Variants in RPRD2 observed in about 807,000 individuals in gnomAD.
RPRD2 encodes the protein regulation of nuclear pre-mRNA domain containing 2.
Under a neutral mutation model 104.4 loss-of-function variants are expected in RPRD2, and 12 were observed. The observed-to-expected ratio is 0.11, with a 90% CI of 0.07 to 0.19. The LOEUF (loss-of-function observed/expected upper bound fraction) is 0.19, where lower values mean the gene tolerates loss of function less well. Among genes scored for constraint, RPRD2 ranks in the 10% least tolerant of loss-of-function variants. The pLI, the probability that RPRD2 is intolerant of heterozygous loss-of-function variation, is 1.00. For synonymous variants in RPRD2, 714 were observed against 684.9 expected, an observed-to-expected ratio of 1.04 and a Z score of -0.66; for missense variants, 1,543 against 1,790.1, an observed-to-expected ratio of 0.86 and a Z score of 2.49.
chr1:150,378,104 T>A (rs1337277385), intron 1 of RPRD2, among the ~76,000 whole-genome samples: 5 of 152,182 alleles, frequency 3.3e-5, no homozygotes, highest in African/African-American at 1.2e-4. Context: ...TTGTTATTAC[T>A]TAATAATCTT....
chr1:150,444,309 T>C lies in RPRD2; in HGVS notation c.626T>C (p.Leu209Pro). Reference protein sequence around the residue: ...LYKRSEDQIELKEKQLSTMRV... With the variant: ...LYKRSEDQIEPKEKQLSTMRV... ...AAGCGCTCAGAAGATCAGATAGAACTGAAGGAAAAGCAGTTGTCAACTATG... is the reference window on the plus strand; with the variant it reads ...AAGCGCTCAGAAGATCAGATAGAACCGAAGGAAAAGCAGTTGTCAACTATG... The change falls in exon 6 of 11, where the codon CTG (leucine) becomes CCG (proline). Residue 209 changes from leucine to proline, a missense_variant. By Grantham distance (98) the Leu-to-Pro change is moderately conservative (BLOSUM62 -3). Coordinates refer to ENST00000369068, the MANE Select transcript of RPRD2 (RefSeq NM_015203.5). 6.2e-7 allele frequency: 1 copy of C among 1,613,892 alleles called. No individual in the cohort carries two copies. The highest frequency in any genetic ancestry group is 8.5e-7 in the Non-Finnish European group (1 of 1,179,814).
At chr1:150,437,060 A>C (rs1200373337) in intron 2 of RPRD2, among the ~76,000 whole-genome samples, 5 of 151,838 alleles carry the variant, frequency 3.3e-5, no homozygotes, top group Non-Finnish European at 4.4e-5. Context: ...AAAAGAAAGA[A>C]AGACATTTTG....
intron 10 of RPRD2, among the ~76,000 whole-genome samples, chr1:150,469,148 T>G (rs892099190): frequency 6.6e-6 from 1 of 152,196 alleles, no homozygotes; most frequent in African/African-American, 2.4e-5. Flanking sequence ...AATTGAAATT[T>G]TGAAGAAATG....
chr1:150,374,059 AGGAT>A (rs1315481922), intron 1 of RPRD2, among the ~76,000 whole-genome samples: 1 of 152,168 alleles, frequency 6.6e-6, no homozygotes, highest in Non-Finnish European at 1.5e-5. Context: ...GGGTAGCCTA[AGGAT>A]GGGGGCTGGT....
chr1:150,452,555 A>G (rs1265933755), intron 7 of RPRD2, among the ~76,000 whole-genome samples: 4 of 149,476 alleles, frequency 2.7e-5, no homozygotes, highest in Non-Finnish European at 5.9e-5. Context: ...CTTGAATCCT[A>G]TTTACTCACT....
chr1:150,433,953 TTTG>T (rs1261045689), intron 2 of RPRD2, among the ~76,000 whole-genome samples: 1 of 151,684 alleles, frequency 6.6e-6, no homozygotes, highest in Non-Finnish European at 1.5e-5. Context: ...AGGCATATAA[TTTG>T]TTTTTTAACC....
intron 9 of RPRD2, among the ~76,000 whole-genome samples, chr1:150,463,356 G>C (rs1349540517): frequency 3.9e-5 from 6 of 151,978 alleles, no homozygotes; most frequent in Non-Finnish European, 5.9e-5. Flanking sequence ...TAAAAATAAA[G>C]TATTTTAATA....
At chr1:150,463,840 T>C (rs1172374822) in intron 9 of RPRD2, among the ~76,000 whole-genome samples, 2 of 152,096 alleles carry the variant, frequency 1.3e-5, no homozygotes, top group African/African-American at 2.4e-5. Flanking sequence ...GTAGGTGCCA[T>C]TTGGTGGAGA....
At position 150,472,068 on chromosome 1, in the gene RPRD2, T is replaced by C; in HGVS notation, c.3120T>C (p.Ser1040=). The C allele has an allele frequency of 1.2e-6, 2 of 1,613,748 alleles. No individual in the cohort carries two copies. The highest frequency in any genetic ancestry group is 1.7e-6 in the Non-Finnish European group (2 of 1,179,868). The change falls in exon 11 of 11, where the codon AGT becomes AGC. Residue 1040 remains serine (S), a synonymous_variant. Transcript: ENST00000369068. ...AGGGCACTCCAAGTGATGGTGTCAG[T>C]CTCTCAAACCTCACCCAACCCAGCT... ...PSKGTPSDGV[S]LSNLTQPSLT...
Position 150,472,784 on chromosome 1 carries a change from A to G in RPRD2, c.3836A>G (p.His1279Arg). 6.2e-7 allele frequency: 1 copy of G among 1,610,932 alleles called. No homozygotes were observed. The highest frequency in any genetic ancestry group is 8.5e-7 in the Non-Finnish European group (1 of 1,177,478). Residue 1279 changes from histidine (H) to arginine (R), a missense_variant, in exon 11 of 11, where the codon CAT (histidine) becomes CGT (arginine). Coordinates refer to ENST00000369068, the MANE Select transcript of RPRD2 (RefSeq NM_015203.5). ...TPPPPPPPGEHSSSGGSGVPF... is the reference protein window; with the variant it reads ...TPPPPPPPGERSSSGGSGVPF... ...CCTCCTCCTCCCCCTCCTGGGGAACATAGCAGCAGTGGTGGGAGTGGTGTC... is the reference window on the plus strand; with the variant it reads ...CCTCCTCCTCCCCCTCCTGGGGAACGTAGCAGCAGTGGTGGGAGTGGTGTC...
At chr1:150,432,389 A>G (rs1478739040) in intron 2 of RPRD2, among the ~76,000 whole-genome samples, 1 of 152,048 alleles carries the variant, frequency 6.6e-6, no homozygotes, top group African/African-American at 2.4e-5. Context: ...AGAGTACTGT[A>G]GTCTGAATAT....
At position 150,431,473 on chromosome 1, in the gene RPRD2, ATTTTTT is replaced by A. The variant is rs1160491386; in HGVS notation, c.336-9431_336-9426del. Among the ~76,000 whole-genome samples, 9 of 78,844 alleles carry A rather than the reference ATTTTTT, an allele frequency of 1.1e-4. No homozygotes were observed. The South Asian group carries it at 1.9e-3, about 16-fold the overall frequency. 51.7% of individuals were successfully genotyped at this position (78,844 alleles called of 152,430 possible). The stretch of plus-strand genomic sequence containing the variant: ...TATTATTCAGTCTTAAAAAGGAAGG[ATTTTTT>A]TTTTTTTTTTTTTTTTTTGAGACGG... On this transcript the variant is annotated intron_variant, in intron 2 of 10. Coordinates refer to ENST00000369068, the MANE Select transcript of RPRD2 (RefSeq NM_015203.5).
intron 1 of RPRD2, among the ~76,000 whole-genome samples, chr1:150,373,504 TGA>T (rs1660473048): frequency 7.0e-6 from 1 of 143,184 alleles, no homozygotes; most frequent in Admixed American, 7.0e-5. Flanking sequence ...AAATGTGGGG[TGA>T]GAGAGGAGGA....
chr1:150,415,324 G>C (rs1348307378), intron 1 of RPRD2, among the ~76,000 whole-genome samples: 2 of 141,276 alleles, frequency 1.4e-5, no homozygotes, highest in African/African-American at 5.0e-5. Flanking sequence ...GAGTGAAACT[G>C]TCTCAAAAAT....
intron 2 of RPRD2, among the ~76,000 whole-genome samples, chr1:150,431,825 T>C (rs1665619201): frequency 6.6e-6 from 1 of 152,038 alleles, no homozygotes; most frequent in East Asian, 1.9e-4. Flanking sequence ...TGGGTGAACT[T>C]TGATGACATT....
chr1:150,378,897 C>A (rs1553880145), intron 1 of RPRD2, among the ~76,000 whole-genome samples: 1 of 149,876 alleles, frequency 6.7e-6, no homozygotes, highest in Non-Finnish European at 1.5e-5. Context: ...GCAGGATAAT[C>A]CCTTGGACCC....
chr1:150,372,608 G>C (rs587676043), intron 1 of RPRD2, among the ~76,000 whole-genome samples: 106 of 152,198 alleles, frequency 7.0e-4, no homozygotes, highest in African/African-American at 2.4e-3. Context: ...AAATGCTCTA[G>C]AGAAATAGAA....
At chr1:150,436,136 A>G (rs1665973321) in intron 2 of RPRD2, among the ~76,000 whole-genome samples, 1 of 152,090 alleles carries the variant, frequency 6.6e-6, no homozygotes, top group Non-Finnish European at 1.5e-5. Context: ...CAGGGAAAAA[A>G]AAAAAAAAAC....
intron 8 of RPRD2, 61 bp downstream of exon 8, chr1:150,457,631 GA>G (rs111764394): frequency 0.017 from 23,274 of 1,359,802 alleles, 1,659 homozygotes; most frequent in Admixed American, 0.14. Context: ...TCTCAGCAAT[GA>G]ATACATCACA....
Sources: allele counts gnomAD v4.1 joint callset (sites outside exome capture counted in the v4.1 genomes callset), GRCh38; gene constraint gnomAD v4.1.1; transcripts MANE v1.5; gene names NCBI Gene and HGNC (gene_info 2026-07-23, HGNC 2026-07-21).